Variants in NOTCH2NLC observed in about 807,000 individuals in gnomAD.
The protein encoded by NOTCH2NLC is notch homolog 2 N-terminal-like protein C.
NOTCH2NLC carries 4 observed loss-of-function variants against 17.7 expected under a neutral mutation model. That is an observed-to-expected ratio of 0.23 (90% CI 0.11 to 0.52). The LOEUF (loss-of-function observed/expected upper bound fraction) is 0.52, where lower values mean the gene tolerates loss of function less well. Ranked by LOEUF, NOTCH2NLC falls within the 20% of genes least tolerant of loss-of-function variation. The pLI is 0.96. For synonymous variants in NOTCH2NLC, 18 were observed against 86.0 expected, an observed-to-expected ratio of 0.21 and a Z score of 4.38; for missense variants, 57 against 207.2, an observed-to-expected ratio of 0.28 and a Z score of 4.45.
chr1:149,424,421 C>T (rs1279500008), intron 1 of NOTCH2NLC, among the ~76,000 whole-genome samples: 2 of 150,260 alleles, frequency 1.3e-5, no homozygotes, highest in East Asian at 3.9e-4. Context: ...GCCCCTACTC[C>T]CAACTTCTCA....
chr1:149,433,707 T>G (rs1254077205), intron 2 of NOTCH2NLC, among the ~76,000 whole-genome samples: 2 of 148,072 alleles, frequency 1.4e-5, no homozygotes, highest in Admixed American at 1.3e-4. Context: ...TTTGTTGGAC[T>G]GTTGGGCTGC....
intron 1 of NOTCH2NLC, among the ~76,000 whole-genome samples, chr1:149,402,136 A>G (rs2084249596): frequency 6.7e-6 from 1 of 150,064 alleles, no homozygotes; most frequent in South Asian, 2.1e-4. Context: ...CTGGAGTGCA[A>G]TGGCGCAATC....
chr1:149,454,618 C>T (rs2084606689), intron 2 of NOTCH2NLC, among the ~76,000 whole-genome samples: 1 of 150,830 alleles, frequency 6.6e-6, no homozygotes, highest in African/African-American at 2.4e-5. Flanking sequence ...TATTTTGTGC[C>T]TTTTTATTTG....
rs1219282534 is a variant in NOTCH2NLC, at chr1:149,462,004, G to A, written c.470-1487G>A. 6.9e-5 allele frequency among the ~76,000 whole-genome samples: 9 copies of A among 131,024 alleles called. 1 individual carries two copies. The East Asian group carries it at 2.0e-3, about 30-fold the overall frequency. The allele number at this position is 131,024 out of a possible 152,430, so 86.0% of individuals were successfully genotyped here. A position where few individuals can be genotyped will look rare whatever the true frequency, so the allele number is the denominator to read the frequency against. ...TCGTGGGGTGGTGGGACGGGGGAGG[G>A]ATAGCATTAGGAGATGTACCTAATG... On this transcript the variant is annotated intron_variant, in intron 3 of 4. Transcript: ENST00000650865.
intron 1 of NOTCH2NLC, among the ~76,000 whole-genome samples, chr1:149,395,641 A>G (rs1440786091): frequency 6.8e-6 from 1 of 146,114 alleles, no homozygotes; most frequent in Non-Finnish European, 1.5e-5. Flanking sequence ...GCCACACCTT[A>G]TTGTAATTTC....
chr1:149,400,006 G>C (rs1208108923), intron 1 of NOTCH2NLC, among the ~76,000 whole-genome samples: 2 of 149,250 alleles, frequency 1.3e-5, no homozygotes, highest in Non-Finnish European at 1.5e-5. Flanking sequence ...GATGTTTGAA[G>C]AATCTAGAAA....
chr1:149,402,335 C>T (rs1402446930), intron 1 of NOTCH2NLC, among the ~76,000 whole-genome samples: 2 of 150,862 alleles, frequency 1.3e-5, no homozygotes, highest in Non-Finnish European at 3.0e-5. Flanking sequence ...CCCACCTCAG[C>T]CTCCCAAAGT....
chr1:149,419,315 T>C (rs2084365272), intron 1 of NOTCH2NLC, among the ~76,000 whole-genome samples: 1 of 150,932 alleles, frequency 6.6e-6, no homozygotes, highest in Non-Finnish European at 1.5e-5. Context: ...TTTTTGAGTT[T>C]GCCAAATTAG....
chr1:149,442,184 A>G (rs1157673789), intron 2 of NOTCH2NLC, among the ~76,000 whole-genome samples: 1 of 148,882 alleles, frequency 6.7e-6, no homozygotes, highest in Non-Finnish European at 1.5e-5. Flanking sequence ...AGACCTTTCT[A>G]TCCCTTTTAA....
In NOTCH2NLC at chr1:149,394,865, G is replaced by A. The variant is rs1465781887; in HGVS notation, c.135+3943G>A. Among the ~76,000 whole-genome samples, 411 of 150,688 alleles carry A rather than the reference G, an allele frequency of 2.7e-3. 9 individuals are homozygous for A. Among genetic ancestry groups the A allele is most frequent in the African/African-American group, 9.6e-3 (395 of 41,016 alleles). Reference sequence around the variant, plus strand: ...AAGGTCTTCTTTTCTTTCTTTGTCAGCCTACCATATGTGTAGTATTTTGGA... The same window carrying A: ...AAGGTCTTCTTTTCTTTCTTTGTCAACCTACCATATGTGTAGTATTTTGGA... On this transcript the variant is annotated intron_variant, in intron 1 of 4. Transcript: ENST00000650865.
intron 1 of NOTCH2NLC, among the ~76,000 whole-genome samples, chr1:149,419,645 G>C (rs1205387394): frequency 6.7e-6 from 1 of 149,018 alleles, no homozygotes; most frequent in Non-Finnish European, 1.5e-5. Flanking sequence ...GGCTGATGGA[G>C]TTGGAGGACT....
At chr1:149,461,183 C>A (rs1408548390) in intron 3 of NOTCH2NLC, among the ~76,000 whole-genome samples, 1 of 149,902 alleles carries the variant, frequency 6.7e-6, no homozygotes, top group East Asian at 2.0e-4. Flanking sequence ...GATCTGCCCA[C>A]CTCAGCCTCC....
At chr1:149,430,613 C>G (rs1379207590) in intron 1 of NOTCH2NLC, among the ~76,000 whole-genome samples, 1 of 142,500 alleles carries the variant, frequency 7.0e-6, no homozygotes, top group Admixed American at 7.0e-5. Context: ...TCTGAAGTAT[C>G]TAAATCCCAA....
intron 2 of NOTCH2NLC, among the ~76,000 whole-genome samples, chr1:149,446,654 G>A (rs1457612189): frequency 1.4e-5 from 2 of 141,514 alleles, no homozygotes; most frequent in Non-Finnish European, 3.1e-5. Context: ...TAAAGAAAAA[G>A]TCATAAATAT....
At chr1:149,417,817 GGA>G (rs2084353759) in intron 1 of NOTCH2NLC, among the ~76,000 whole-genome samples, 1 of 147,794 alleles carries the variant, frequency 6.8e-6, no homozygotes, top group African/African-American at 2.5e-5. Context: ...TATATTCTAT[GGA>G]GTACTATCAG....
intron 1 of NOTCH2NLC, among the ~76,000 whole-genome samples, chr1:149,393,315 T>A: frequency 6.6e-6 from 1 of 151,218 alleles, no homozygotes; most frequent in East Asian, 2.0e-4. Context: ...GATGCTAAAC[T>A]AATGCAGTAG....
chr1:149,471,231 T>C lies in NOTCH2NLC; in HGVS notation c.*7078T>C, dbSNP rs1208785158. 6.6e-6 allele frequency among the ~76,000 whole-genome samples: 1 copy of C among 151,394 alleles called. No individual in the cohort carries two copies. On this transcript the variant is annotated 3_prime_UTR_variant, in exon 5 of 5. Coordinates refer to ENST00000650865, the MANE Select transcript of NOTCH2NLC (RefSeq NM_001364013.2). ...ATATATCCTAAATACAAGTCTCTTA[T>C]CAGATAATATGACTTGCAGATATTT...
At chr1:149,438,925 A>G in intron 2 of NOTCH2NLC, among the ~76,000 whole-genome samples, 1 of 148,554 alleles carries the variant, frequency 6.7e-6, no homozygotes, top group Non-Finnish European at 1.5e-5. Flanking sequence ...CATGTTGCTC[A>G]GGCTGGTCTC....
intron 2 of NOTCH2NLC, among the ~76,000 whole-genome samples, chr1:149,440,026 G>T (rs1268253535): frequency 2.0e-5 from 3 of 149,036 alleles, no homozygotes; most frequent in South Asian, 2.1e-4. Context: ...CATTCAACTA[G>T]AGCATTCTAT....
Sources: allele counts gnomAD v4.1 joint callset (sites outside exome capture counted in the v4.1 genomes callset), GRCh38; gene constraint gnomAD v4.1.1; transcripts MANE v1.5; gene names NCBI Gene and HGNC (gene_info 2026-07-23, HGNC 2026-07-21).